DLG2: variants seen among roughly 807,000 people sequenced by gnomAD.
DLG2 encodes discs large MAGUK scaffold protein 2, also known as disks large homolog 2.
Under a neutral mutation model 132.5 loss-of-function variants are expected in DLG2, and 45 were observed. The observed-to-expected ratio is 0.34, with a 90% CI of 0.27 to 0.44. The LOEUF is 0.44. DLG2 is among the 20% of genes least tolerant of loss of function. The pLI is 1.00. For missense variants in DLG2, 1,045 were observed against 1,196.9 expected, an observed-to-expected ratio of 0.87 and a Z score of 1.87; for synonymous variants, 424 against 419.6, an observed-to-expected ratio of 1.01 and a Z score of -0.13.
chr11:85,028,899 C>G (rs564463436), intron 6 of DLG2, among the ~76,000 whole-genome samples: 2 of 152,112 alleles, frequency 1.3e-5, no homozygotes, highest in Admixed American at 6.5e-5. Context: ...CTCTGTGGAG[C>G]GCGCAGCCCC....
At chr11:84,448,263 G>C (rs1363571669) in intron 7 of DLG2, among the ~76,000 whole-genome samples, 1 of 152,022 alleles carries the variant, frequency 6.6e-6, no homozygotes, top group Non-Finnish European at 1.5e-5. Flanking sequence ...TGAAGTGCTA[G>C]TTTTGGAAGC....
rs542476924 is a variant in DLG2 at position 84,243,017 on chromosome 11, C to CTCTCTCTCTCTCTCTATA, written c.573+8220_573+8221insTATAGAGAGAGAGAGAGA. 5.9e-3 allele frequency among the ~76,000 whole-genome samples: 837 copies of CTCTCTCTCTCTCTCTATA among 142,122 alleles called. 7 individuals are homozygous for CTCTCTCTCTCTCTCTATA. Among genetic ancestry groups the CTCTCTCTCTCTCTCTATA allele is most frequent in the Non-Finnish European group, 7.9e-3 (522 of 65,892 alleles). 93.2% of individuals were successfully genotyped at this position (142,122 alleles called of 152,430 possible). The stretch of plus-strand genomic sequence containing the variant: ...GTTCTCTCTCTCTCTCTCTCTCTCT[C>CTCTCTCTCTCTCTCTATA]TATATATATATATATATATATACAC... On this transcript the variant is annotated intron_variant, in intron 8 of 27. Transcript: ENST00000376104.
chr11:84,225,466 A>T (rs976894622), intron 8 of DLG2, among the ~76,000 whole-genome samples: 1 of 152,134 alleles, frequency 6.6e-6, no homozygotes, highest in African/African-American at 2.4e-5. Context: ...TCGTGTCACG[A>T]TTTTTAATTG....
chr11:85,092,092 A>G (rs766724019), intron 6 of DLG2, among the ~76,000 whole-genome samples: 1 of 152,224 alleles, frequency 6.6e-6, no homozygotes, highest in Non-Finnish European at 1.5e-5. Context: ...TTACTCCTTG[A>G]TCCATGGGCT....
chr11:84,507,617 T>G (rs185274682), intron 7 of DLG2, among the ~76,000 whole-genome samples: 1 of 152,234 alleles, frequency 6.6e-6, no homozygotes, highest in African/African-American at 2.4e-5. Context: ...TTATCATATA[T>G]GAACCTTATT....
intron 3 of DLG2, among the ~76,000 whole-genome samples, chr11:85,481,728 C>A (rs1175518295): frequency 6.6e-6 from 1 of 151,962 alleles, no homozygotes; most frequent in Non-Finnish European, 1.5e-5. Flanking sequence ...GCCCTCACAG[C>A]CACAGGCTTC....
chr11:83,622,154 T>C (rs2061730423), intron 19 of DLG2, among the ~76,000 whole-genome samples: 1 of 152,078 alleles, frequency 6.6e-6, no homozygotes, highest in Admixed American at 6.6e-5. Context: ...TCTTGAACTC[T>C]TGACCTCAAG....
In DLG2 at chr11:84,163,475, T is replaced by C. The variant is rs577048786; in HGVS notation, c.610A>G (p.Ile204Val). 6.2e-7 allele frequency: 1 copy of C among 1,607,230 alleles called. No homozygotes were observed. Among genetic ancestry groups the C allele is most frequent in the African/African-American group, 1.3e-5 (1 of 74,550 alleles). ...GTEIEYEFEE[I>V]TLERGNSGLG... is the part of the protein sequence containing the mutation. ...TTTTTTCTTACCCTCTCCAGTGTAATTTCTTCAAATTCATATTCAATTTCT... is the reference window on the plus strand; with the variant it reads ...TTTTTTCTTACCCTCTCCAGTGTAACTTCTTCAAATTCATATTCAATTTCT... The change falls in exon 9 of 28, where the codon ATT becomes GTT. Residue 204 changes from isoleucine (I) to valine (V), a missense_variant. By Grantham distance (29) the Ile-to-Val change is conservative. Around this residue, in one of 4 missense-constraint regions of DLG2, gnomAD observed 277 missense variants for 238.2 expected, o/e 1.16. Transcript: ENST00000376104.
intron 9 of DLG2, among the ~76,000 whole-genome samples, chr11:84,135,157 G>C (rs960647208): frequency 6.6e-6 from 1 of 152,010 alleles, no homozygotes; most frequent in African/African-American, 2.4e-5. Flanking sequence ...GAACAGAACA[G>C]AACAGAACAC....
intron 6 of DLG2, among the ~76,000 whole-genome samples, chr11:84,891,807 T>G (rs1485357412): frequency 1.3e-5 from 2 of 152,196 alleles, no homozygotes; most frequent in African/African-American, 4.8e-5. Flanking sequence ...GCCAGATATG[T>G]GAACAGCCCT....
At chr11:84,498,199 C>T (rs1294806189) in intron 7 of DLG2, among the ~76,000 whole-genome samples, 2 of 152,194 alleles carry the variant, frequency 1.3e-5, no homozygotes, top group Non-Finnish European at 2.9e-5. Flanking sequence ...TGATAGTCAA[C>T]ATTTCCTAGG....
intron 6 of DLG2, among the ~76,000 whole-genome samples, chr11:84,996,626 C>T (rs993376915): frequency 6.6e-6 from 1 of 152,112 alleles, no homozygotes; most frequent in South Asian, 2.1e-4. Flanking sequence ...AATATCATTA[C>T]AAAATCCAAT....
intron 3 of DLG2, among the ~76,000 whole-genome samples, chr11:85,412,692 C>T (rs2089422359): frequency 6.8e-6 from 1 of 148,100 alleles, no homozygotes; most frequent in South Asian, 2.1e-4. Flanking sequence ...GTGAATGCTG[C>T]TAACTCATTC....
At chr11:83,807,592 G>A (rs926313631) in intron 17 of DLG2, among the ~76,000 whole-genome samples, 32 of 152,254 alleles carry the variant, frequency 2.1e-4, no homozygotes, top group Admixed American at 1.8e-3. Flanking sequence ...GGGGAAAAGC[G>A]AATCAGGAGA....
chr11:84,095,668 T>C (rs1232097956), intron 10 of DLG2, among the ~76,000 whole-genome samples: 2 of 152,170 alleles, frequency 1.3e-5, no homozygotes, highest in Non-Finnish European at 2.9e-5. Context: ...CCCCAAATGA[T>C]TTATGCCTCA....
chr11:84,750,395 G>A (rs546262843), intron 6 of DLG2, among the ~76,000 whole-genome samples: 9 of 152,084 alleles, frequency 5.9e-5, no homozygotes, highest in South Asian at 2.1e-4. Flanking sequence ...GTTTGAAGTC[G>A]GAGTCTGACT....
chr11:85,470,253 G>C (rs1445770454), intron 3 of DLG2, among the ~76,000 whole-genome samples: 2 of 136,736 alleles, frequency 1.5e-5, no homozygotes, highest in African/African-American at 5.4e-5. Context: ...ATTTAAAATA[G>C]AAAAAAAAAC....
chr11:85,062,183 G>A (rs1388168218), intron 6 of DLG2, among the ~76,000 whole-genome samples: 1 of 151,666 alleles, frequency 6.6e-6, no homozygotes, highest in Non-Finnish European at 1.5e-5. Flanking sequence ...AATGCTCTCT[G>A]AGCAATTCAG....
intron 15 of DLG2, among the ~76,000 whole-genome samples, chr11:83,899,676 G>C (rs971192619): frequency 7.3e-5 from 9 of 123,248 alleles, no homozygotes; most frequent in African/African-American, 2.9e-4. Context: ...TGCCATGATT[G>C]TGAGGTCTCC....
Sources: allele counts gnomAD v4.1 joint callset (sites outside exome capture counted in the v4.1 genomes callset), GRCh38; gene constraint gnomAD v4.1.1; regional missense constraint gnomAD v4.1.1; transcripts MANE v1.5; gene names NCBI Gene and HGNC (gene_info 2026-07-23, HGNC 2026-07-21).